The following DYNC2I1 variants were observed in gnomAD, a reference collection of about 807,000 sequenced individuals.
DYNC2I1 encodes the protein dynein 2 intermediate chain 1.
A neutral mutation model predicts 133.4 loss-of-function variants in DYNC2I1; 89 were observed. That is an observed-to-expected ratio of 0.67 (90% CI 0.56 to 0.80). DYNC2I1 has a LOEUF of 0.80. DYNC2I1 is among the 30% of genes least tolerant of loss of function. The probability of loss-of-function intolerance (pLI) is 0.00; values close to 1 mark genes in which losing one functional copy is unlikely to be tolerated. For missense variants in DYNC2I1, 1,291 were observed against 1,314.5 expected, an observed-to-expected ratio of 0.98 and a Z score of 0.28; for synonymous variants, 504 against 484.3, an observed-to-expected ratio of 1.04 and a Z score of -0.54.
rs1042419119 is a variant in DYNC2I1, at chr7:158,856,570, A to T, written c.-166A>T. The stretch of plus-strand genomic sequence containing the variant: ...GCGCAGGCGCACTGGGAGAGGCCGC[A>T]GGGCACGCTGGGCAGTGCTTCTGGG... On this transcript the variant is annotated 5_prime_UTR_variant, in exon 1 of 25. Coordinates refer to ENST00000407559, the MANE Select transcript of DYNC2I1 (RefSeq NM_018051.5). 1.7e-5 allele frequency: 11 copies of T among 658,246 alleles called. No individual in the cohort carries two copies. Among genetic ancestry groups the T allele is most frequent in the Non-Finnish European group, 2.4e-5 (11 of 466,442 alleles). 40.8% of individuals were successfully genotyped at this position (658,246 alleles called of 1,614,324 possible).
chr7:158,840,248 C>CA, the DYNC2I1 span, among the ~76,000 whole-genome samples: 2,723 of 142,198 alleles, frequency 0.019, 20 homozygotes, highest in African/African-American at 0.025. Context: ...ACATTGTCTA[C>CA]AAAAAAAAAA....
At chr7:158,900,731 GT>G (rs35689002) in intron 8 of DYNC2I1, among the ~76,000 whole-genome samples, 2,449 of 105,688 alleles carry the variant, frequency 0.023, 58 homozygotes, top group African/African-American at 0.076. Flanking sequence ...ATTTTGTTCT[GT>G]TTTTTTTTTT....
At chr7:158,861,266 C>T (rs950610120) in intron 1 of DYNC2I1, among the ~76,000 whole-genome samples, 2 of 152,172 alleles carry the variant, frequency 1.3e-5, no homozygotes, top group African/African-American at 4.8e-5. Flanking sequence ...ACAGGATGGC[C>T]TCTGTTCTGG....
chr7:158,950,060 C>G (rs915866568), downstream of DYNC2I1, among the ~76,000 whole-genome samples: 1 of 151,816 alleles, frequency 6.6e-6, no homozygotes, highest in African/African-American at 2.4e-5. Context: ...CATGAGCCAC[C>G]GTGCCCAGCC....
At chr7:158,902,780 G>A (rs1332922487) in intron 10 of DYNC2I1, 185 bp downstream of exon 10, 3 of 595,768 alleles carry the variant, frequency 5.0e-6, no homozygotes, top group Non-Finnish European at 8.8e-6. Context: ...TTGAGCACGA[G>A]CCCATCCAGA....
intron 1 of DYNC2I1, among the ~76,000 whole-genome samples, chr7:158,863,085 A>T (rs1002458580): frequency 8.5e-6 from 1 of 117,166 alleles, no homozygotes; most frequent in Non-Finnish European, 1.7e-5. Context: ...CACAGTGTGG[A>T]AGGGGACCCA....
rs922246904 is a variant in DYNC2I1, at chr7:158,870,543, A to AT, written c.70-593dup. Among the ~76,000 whole-genome samples the AT allele has an allele frequency of 5.3e-5, 8 of 151,344 alleles. No homozygotes were observed. The East Asian group carries it at 1.2e-3, about 22-fold the overall frequency. Reference sequence around the variant, plus strand: ...AATTTTTTAATTTTTTAATTTTTTAATTTTTTGCGGGAGAGATGGGGATCT... The same window carrying AT: ...AATTTTTTAATTTTTTAATTTTTTAATTTTTTTGCGGGAGAGATGGGGATCT... On this transcript the variant is annotated intron_variant, in intron 2 of 24. Transcript: ENST00000407559.
At chr7:158,851,977 C>T (rs564102552), upstream of DYNC2I1, among the ~76,000 whole-genome samples, 35 of 152,282 alleles carry the variant, frequency 2.3e-4, no homozygotes, top group South Asian at 4.1e-3. Flanking sequence ...ACCAGAATCA[C>T]GGAATTCTAA....
upstream of DYNC2I1, among the ~76,000 whole-genome samples, chr7:158,854,506 G>A (rs116851036): frequency 2.0e-5 from 3 of 151,022 alleles, no homozygotes; most frequent in East Asian, 3.9e-4. Flanking sequence ...TGTCGGGGGG[G>A]GCTGGGGGAT....
At chr7:158,849,800 G>A in the DYNC2I1 span, among the ~76,000 whole-genome samples, 1 of 152,190 alleles carries the variant, frequency 6.6e-6, no homozygotes, top group Non-Finnish European at 1.5e-5. Flanking sequence ...CCCTGCTCTG[G>A]CTGAGCCCAG....
intron 24 of DYNC2I1, among the ~76,000 whole-genome samples, chr7:158,942,997 T>C (rs1439424523): frequency 6.6e-6 from 1 of 152,232 alleles, no homozygotes; most frequent in African/African-American, 2.4e-5. Flanking sequence ...CACCTGTGTT[T>C]TTTTTCTTGA....
Position 158,871,256 on chromosome 7 carries a change from C to G in DYNC2I1, c.184C>G (p.Gln62Glu). The change falls in exon 3 of 25, where the codon CAG (glutamine) becomes GAG (glutamate). Residue 62 changes from glutamine to glutamate, a missense_variant. Transcript: ENST00000407559. ...HKEPRCRDPDQDARSRDRVAE... is the reference protein window; with the variant it reads ...HKEPRCRDPDEDARSRDRVAE... ...GGAGCCGAGGTGCAGGGATCCCGACCAGGATGCCAGGAGCAGAGACAGGGT... is the reference window on the plus strand; with the variant it reads ...GGAGCCGAGGTGCAGGGATCCCGACGAGGATGCCAGGAGCAGAGACAGGGT... The G allele has an allele frequency of 6.2e-7, 1 of 1,606,976 alleles. No homozygotes were observed. Among genetic ancestry groups the G allele is most frequent in the Non-Finnish European group, 8.5e-7 (1 of 1,176,438 alleles).
At chr7:158,947,695 C>T (rs995791604), downstream of DYNC2I1, among the ~76,000 whole-genome samples, 5 of 152,242 alleles carry the variant, frequency 3.3e-5, no homozygotes, top group African/African-American at 1.2e-4. Context: ...TGACGTGAGC[C>T]TCCTGCCTGG....
At chr7:158,886,075 TTAATA>T (rs1180002656) in intron 6 of DYNC2I1, among the ~76,000 whole-genome samples, 1 of 149,706 alleles carries the variant, frequency 6.7e-6, no homozygotes, top group Non-Finnish European at 1.5e-5. Context: ...TCTTTTATAT[TTAATA>T]TAAAATAGTA....
chr7:158,899,008 C>T (rs1004345839), intron 8 of DYNC2I1, among the ~76,000 whole-genome samples: 6 of 152,114 alleles, frequency 3.9e-5, no homozygotes, highest in Non-Finnish European at 7.3e-5. Context: ...CAGACATAAG[C>T]ATGTTATCCC....
intron 4 of DYNC2I1, among the ~76,000 whole-genome samples, chr7:158,953,041 T>G (rs944257611): frequency 6.6e-6 from 1 of 152,192 alleles, no homozygotes; most frequent in Non-Finnish European, 1.5e-5. Flanking sequence ...TCCGCACCCA[T>G]GGGCTAACAG....
At chr7:158,923,041 G>T (rs754573163) in intron 16 of DYNC2I1, among the ~76,000 whole-genome samples, 1 of 152,140 alleles carries the variant, frequency 6.6e-6, no homozygotes, top group African/African-American at 2.4e-5. Context: ...CCCATTCACC[G>T]CCCAGGAGGC....
intron 21 of DYNC2I1, among the ~76,000 whole-genome samples, chr7:158,931,102 T>C (rs973865736): frequency 6.6e-6 from 1 of 152,240 alleles, no homozygotes; most frequent in Non-Finnish European, 1.5e-5. Context: ...CATGCAACCC[T>C]GAGGTTAAAC....
intron 24 of DYNC2I1, 98 bp downstream of exon 24, chr7:158,942,246 C>A: frequency 1.1e-6 from 1 of 911,092 alleles, no homozygotes; most frequent in Non-Finnish European, 1.6e-6. Flanking sequence ...CATGAGGCTG[C>A]TACATTTTAA....
Sources: allele counts gnomAD v4.1 joint callset (sites outside exome capture counted in the v4.1 genomes callset), GRCh38; gene constraint gnomAD v4.1.1; transcripts MANE v1.5; gene names NCBI Gene and HGNC (gene_info 2026-07-23, HGNC 2026-07-21).